The following NEUROG3 variants were observed in gnomAD, a reference collection of about 807,000 sequenced individuals.
The protein encoded by NEUROG3 is neurogenin-3.
For synonymous variants in NEUROG3, 161 were observed against 139.2 expected (o/e 1.16, Z -1.10); for missense variants, 307 against 297.9 (o/e 1.03, Z -0.22).
Position 69,572,573 on chromosome 10 carries a change from C to T in NEUROG3, c.471G>A (p.Gly157=). The T allele has an allele frequency of 6.2e-7, 1 of 1,613,262 alleles. No individual in the cohort carries two copies. The highest frequency in any genetic ancestry group is 8.5e-7 in the Non-Finnish European group (1 of 1,179,630). ...GGGAACCGCCTGGGCTGCCCAGCTC[C>T]CCGCAGTGCGGCGCCGGCGGCTCCA... ...YALEPPAPHC[G]ELGSPGGSPG... The change falls in exon 2 of 2, where the codon GGG becomes GGA. Residue 157 remains glycine, a synonymous_variant. Coordinates refer to ENST00000242462, the MANE Select transcript of NEUROG3 (RefSeq NM_020999.4).
In NEUROG3 at chr10:69,572,342, G is replaced by A; in HGVS notation, c.*57C>T. On this transcript the variant is annotated 3_prime_UTR_variant, in exon 2 of 2. Transcript: ENST00000242462. Reference sequence around the variant, plus strand: ...CCGTCGGCCACCCTCTACGGCTCCCGGCTCCCTCCCTCTCCCTTACCCTTA... The same window carrying A: ...CCGTCGGCCACCCTCTACGGCTCCCAGCTCCCTCCCTCTCCCTTACCCTTA... 6.5e-7 allele frequency: 1 copy of A among 1,546,632 alleles called. No individual in the cohort carries two copies. Among genetic ancestry groups the A allele is most frequent in the Non-Finnish European group, 8.7e-7 (1 of 1,151,416 alleles).
Position 69,573,192 on chromosome 10 carries a change from G to A in NEUROG3, c.-2+18C>T, listed in dbSNP as rs1839241853. The A allele has an allele frequency of 1.2e-6, 1 of 828,580 alleles. No individual in the cohort carries two copies. The highest frequency in any genetic ancestry group is 1.9e-6 in the Non-Finnish European group (1 of 532,734). 51.3% of individuals were successfully genotyped at this position (828,580 alleles called of 1,614,324 possible). A position where few individuals can be genotyped will look rare whatever the true frequency, so the allele number is the denominator to read the frequency against. ...CCCTCTTTCCCCTGCCCGTCCCTCGGAGGCCTCCAAATATTACCTTTCTAC... is the reference window on the plus strand; with the variant it reads ...CCCTCTTTCCCCTGCCCGTCCCTCGAAGGCCTCCAAATATTACCTTTCTAC... On this transcript the variant is annotated intron_variant, in intron 1 of 1. Transcript: ENST00000242462.
At position 69,572,640 on chromosome 10, in the gene NEUROG3, AG is replaced by A. The variant is rs748481754; in HGVS notation, c.403del (p.Leu135Ter). 6.2e-7 allele frequency: 1 copy of A among 1,613,984 alleles called. No individual in the cohort carries two copies. Among genetic ancestry groups the A allele is most frequent in the Non-Finnish European group, 8.5e-7 (1 of 1,179,958 alleles). ...LRFAHNYIWALTQTLRIADHS... is the reference protein window; with the variant it reads ...LRFAHNYIWAXTQTLRIADHS... ...GTCCGCTATGCGCAGCGTTTGAGTC[AG>A]CGCCCAGATGTAGTTGTGGGCGAAG... On this transcript the variant is annotated frameshift_variant, in exon 2 of 2. Transcript: ENST00000242462. LOFTEE classifies it low-confidence loss of function (END_TRUNC).
chr10:69,573,139 C>T, intron 1 of NEUROG3, 71 bp downstream of exon 1: 1 of 1,388,810 alleles, frequency 7.2e-7, no homozygotes. Flanking sequence ...AAACAGCCAT[C>T]CTCCCAGCCC....
In NEUROG3 at chr10:69,572,920, T is replaced by C. The variant is rs1339990052; in HGVS notation, c.124A>G (p.Thr42Ala). Residue 42 changes from threonine to alanine, a missense_variant, in exon 2 of 2, where the codon ACA (threonine) becomes GCA (alanine). By Grantham distance (58) the Thr-to-Ala change is moderately conservative (BLOSUM62 0). Coordinates refer to ENST00000242462, the MANE Select transcript of NEUROG3 (RefSeq NM_020999.4). Reference protein sequence around the residue: ...PTSAPPSPTRTRGNCAEAEEG... With the variant: ...PTSAPPSPTRARGNCAEAEEG... ...TCCGCCTCTGCGCAGTTCCCCCGTG[T>C]GCGAGTGGGGCTGGGCGGGGCGGAC... 2.5e-6 allele frequency: 4 copies of C among 1,612,362 alleles called. No homozygotes were observed. The South Asian group carries it at 3.3e-5, about 13-fold the overall frequency.
chr10:69,573,285 A>C lies in NEUROG3; in HGVS notation c.-77T>G. 1 of 580,456 alleles carries C rather than the reference A, an allele frequency of 1.7e-6. No individual in the cohort carries two copies. Among genetic ancestry groups the C allele is most frequent in the Non-Finnish European group, 3.0e-6 (1 of 331,684 alleles). The allele number at this position is 580,456 out of a possible 1,614,324, so 36.0% of individuals were successfully genotyped here. On this transcript the variant is annotated 5_prime_UTR_variant, in exon 1 of 2. Transcript: ENST00000242462. Reference sequence around the variant, plus strand: ...GGAGCTCAGCGGGCTTCTGGTCGCCAAGTTCAGCTGAGCTGCAGGCGCCCC... The same window carrying C: ...GGAGCTCAGCGGGCTTCTGGTCGCCCAGTTCAGCTGAGCTGCAGGCGCCCC...
In NEUROG3 at chr10:69,572,176, G is replaced by A; in HGVS notation, c.*223C>T. The stretch of plus-strand genomic sequence containing the variant: ...GCACTTTGCAATGCCCACTTCGCGC[G>A]GGCAGCAGCAAGGGTTGCGTGCGTT... On this transcript the variant is annotated 3_prime_UTR_variant, in exon 2 of 2. Transcript: ENST00000242462. The A allele has an allele frequency of 1.7e-6, 1 of 601,964 alleles. No individual in the cohort carries two copies. The allele number at this position is 601,964 out of a possible 1,614,324, so 37.3% of individuals were successfully genotyped here.
In NEUROG3 at chr10:69,572,656, T is replaced by C; in HGVS notation, c.388A>G (p.Asn130Asp). The C allele has an allele frequency of 1.2e-6, 2 of 1,614,084 alleles. No homozygotes were observed. The highest frequency in any genetic ancestry group is 1.7e-6 in the Non-Finnish European group (2 of 1,179,954). The part of the protein sequence containing the change: ...TKIETLRFAH[N>D]YIWALTQTLR... ...GTTTGAGTCAGCGCCCAGATGTAGT[T>C]GTGGGCGAAGCGCAGCGTCTCGATC... The change falls in exon 2 of 2, where the codon AAC becomes GAC. Residue 130 changes from asparagine (N) to aspartate (D), a missense_variant. Coordinates refer to ENST00000242462, the MANE Select transcript of NEUROG3 (RefSeq NM_020999.4).
Position 69,573,234 on chromosome 10 carries a change from A to C in NEUROG3, c.-26T>G. 1.5e-6 allele frequency: 1 copy of C among 660,894 alleles called. No individual in the cohort carries two copies. The highest frequency in any genetic ancestry group is 2.5e-6 in the Non-Finnish European group (1 of 392,876). The allele number at this position is 660,894 out of a possible 1,614,324, so 40.9% of individuals were successfully genotyped here. A position where few individuals can be genotyped will look rare whatever the true frequency, so the allele number is the denominator to read the frequency against. On this transcript the variant is annotated 5_prime_UTR_variant, in exon 1 of 2. Coordinates refer to ENST00000242462, the MANE Select transcript of NEUROG3 (RefSeq NM_020999.4). ...CCTTTCTACCGGCGCAAAAGAATAG[A>C]GAGCGATGAGCAGCGAGGGCCGTGG...
rs866205996 is a variant in NEUROG3, at chr10:69,572,491, C to A, written c.553G>T (p.Ala185Ser). Residue 185 changes from alanine to serine, a missense_variant, in exon 2 of 2, where the codon GCC becomes TCC. By Grantham distance (99) the Ala-to-Ser change is moderately conservative. Coordinates refer to ENST00000242462, the MANE Select transcript of NEUROG3 (RefSeq NM_020999.4). ...PVSQAGSLSP[A>S]ASLEERPGLL... ...CCGGGTCGCTCCTCCAGCGACGCGGCGGGACTCAGGCTGCCAGCCTGGGAG... is the reference window on the plus strand; with the variant it reads ...CCGGGTCGCTCCTCCAGCGACGCGGAGGGACTCAGGCTGCCAGCCTGGGAG... The A allele has an allele frequency of 6.3e-6, 10 of 1,589,512 alleles. No homozygotes were observed. In the African/African-American group the frequency reaches 1.2e-4, roughly 19 times the overall value.
rs769239025 is a variant in NEUROG3, at chr10:69,572,994, G to T, written c.50C>A (p.Thr17Lys). ...GAPTVQVTRE[T>K]ERSFPRASED... Reference sequence around the variant, plus strand: ...CGAGGCTCTGGGGAAGGACCGCTCCGTCTCACGGGTCACTTGGACAGTGGG... The same window carrying T: ...CGAGGCTCTGGGGAAGGACCGCTCCTTCTCACGGGTCACTTGGACAGTGGG... The change falls in exon 2 of 2, where the codon ACG becomes AAG. Residue 17 changes from threonine (T) to lysine (K), a missense_variant. By Grantham distance (78) the Thr-to-Lys change is moderately conservative. Coordinates refer to ENST00000242462, the MANE Select transcript of NEUROG3 (RefSeq NM_020999.4). 1 of 1,613,708 alleles carries T rather than the reference G, an allele frequency of 6.2e-7. No homozygotes were observed. Among genetic ancestry groups the T allele is most frequent in the Non-Finnish European group, 8.5e-7 (1 of 1,180,026 alleles).
rs773121786 is a variant in NEUROG3, at chr10:69,572,612, G to C, written c.432C>G (p.His144Gln). Residue 144 changes from histidine to glutamine, a missense_variant, in exon 2 of 2, where the codon CAC becomes CAG. Coordinates refer to ENST00000242462, the MANE Select transcript of NEUROG3 (RefSeq NM_020999.4). ...ALTQTLRIADHSLYALEPPAP... is the reference protein window; with the variant it reads ...ALTQTLRIADQSLYALEPPAP... ...CCGGCGGCTCCAGCGCGTACAAGCTGTGGTCCGCTATGCGCAGCGTTTGAG... is the reference window on the plus strand; with the variant it reads ...CCGGCGGCTCCAGCGCGTACAAGCTCTGGTCCGCTATGCGCAGCGTTTGAG... 8.1e-6 allele frequency: 13 copies of C among 1,613,948 alleles called. No homozygotes were observed. Among genetic ancestry groups the C allele is most frequent in the Non-Finnish European group, 1.0e-5 (12 of 1,179,950 alleles).
In NEUROG3 at chr10:69,572,484, G is replaced by C; in HGVS notation, c.560C>G (p.Ser187Trp). 6.3e-7 allele frequency: 1 copy of C among 1,588,542 alleles called. No homozygotes were observed. The highest frequency in any genetic ancestry group is 8.6e-7 in the Non-Finnish European group (1 of 1,168,208). The change falls in exon 2 of 2, where the codon TCG becomes TGG. Residue 187 changes from serine (S) to tryptophan (W), a missense_variant. Transcript: ENST00000242462. The stretch of plus-strand genomic sequence containing the variant: ...CAGCAGCCCGGGTCGCTCCTCCAGC[G>C]ACGCGGCGGGACTCAGGCTGCCAGC... ...SQAGSLSPAA[S>W]LEERPGLLGA... is the part of the protein sequence containing the mutation.
chr10:69,572,333 A>ACGGCTCC lies in NEUROG3; in HGVS notation c.*59_*65dup, dbSNP rs1233414068. On this transcript the variant is annotated 3_prime_UTR_variant, in exon 2 of 2. Transcript: ENST00000242462. The stretch of plus-strand genomic sequence containing the variant: ...GGGCCGCCGCCGTCGGCCACCCTCT[A>ACGGCTCC]CGGCTCCCGGCTCCCTCCCTCTCCC... 1 of 1,532,334 alleles carries ACGGCTCC rather than the reference A, an allele frequency of 6.5e-7. No individual in the cohort carries two copies. Among genetic ancestry groups the ACGGCTCC allele is most frequent in the East Asian group, 2.4e-5 (1 of 41,484 alleles). 94.9% of individuals were successfully genotyped at this position (1,532,334 alleles called of 1,614,324 possible).
rs753552388 is a variant in NEUROG3 at position 69,572,500 on chromosome 10, G to A, written c.544C>T (p.Leu182=). ...LYSPVSQAGS[L]SPAASLEERP... is the part of the protein sequence containing the mutation. ...TCCTCCAGCGACGCGGCGGGACTCAGGCTGCCAGCCTGGGAGACTGGGGAG... is the reference window on the plus strand; with the variant it reads ...TCCTCCAGCGACGCGGCGGGACTCAAGCTGCCAGCCTGGGAGACTGGGGAG... The change falls in exon 2 of 2, where the codon CTG becomes TTG. Residue 182 remains leucine, a synonymous_variant. Coordinates refer to ENST00000242462, the MANE Select transcript of NEUROG3 (RefSeq NM_020999.4). 1 of 1,592,544 alleles carries A rather than the reference G, an allele frequency of 6.3e-7. No homozygotes were observed. Among genetic ancestry groups the A allele is most frequent in the South Asian group, 1.1e-5 (1 of 88,998 alleles).
In NEUROG3 at chr10:69,572,899, C is replaced by T; in HGVS notation, c.145G>A (p.Ala49Thr). 6.2e-7 allele frequency: 1 copy of T among 1,611,618 alleles called. No homozygotes were observed. The highest frequency in any genetic ancestry group is 8.5e-7 in the Non-Finnish European group (1 of 1,179,540). The change falls in exon 2 of 2, where the codon GCG (alanine) becomes ACG (threonine). Residue 49 changes from alanine to threonine, a missense_variant. Transcript: ENST00000242462. ...GCCCCTCGGCAGCCTCCCTCTTCCG[C>T]CTCTGCGCAGTTCCCCCGTGTGCGA... Reference protein sequence around the residue: ...PTRTRGNCAEAEEGGCRGAPR... With the variant: ...PTRTRGNCAETEEGGCRGAPR...
chr10:69,573,142 C>T (rs904901818), intron 1 of NEUROG3, 68 bp downstream of exon 1: 2 of 1,376,936 alleles, frequency 1.5e-6, no homozygotes, highest in Non-Finnish European at 1.0e-6. Context: ...CAGCCATCCT[C>T]CCAGCCCCCG....
Position 69,572,837 on chromosome 10 carries a change from G to T in NEUROG3, c.207C>A (p.Ser69Arg). The change falls in exon 2 of 2, where the codon AGC becomes AGA. Residue 69 changes from serine (S) to arginine (R), a missense_variant. Transcript: ENST00000242462. ...TCAGTGCCAACTCGCTCTTAGGCCG[G>T]CTGCGTCCCCCGCGCCGTGCCCGGA... ...RKLRARRGGR[S>R]RPKSELALSK... 1.9e-6 allele frequency: 3 copies of T among 1,610,682 alleles called. No individual in the cohort carries two copies. The highest frequency in any genetic ancestry group is 2.5e-6 in the Non-Finnish European group (3 of 1,178,658).
Position 69,572,172 on chromosome 10 carries a change from G to T in NEUROG3, c.*227C>A. 1.7e-6 allele frequency: 1 copy of T among 599,670 alleles called. No homozygotes were observed. The highest frequency in any genetic ancestry group is 3.0e-6 in the Non-Finnish European group (1 of 338,452). The allele number at this position is 599,670 out of a possible 1,614,324, so 37.1% of individuals were successfully genotyped here. ...GAGCGCACTTTGCAATGCCCACTTCGCGCGGGCAGCAGCAAGGGTTGCGTG... is the reference window on the plus strand; with the variant it reads ...GAGCGCACTTTGCAATGCCCACTTCTCGCGGGCAGCAGCAAGGGTTGCGTG... On this transcript the variant is annotated 3_prime_UTR_variant, in exon 2 of 2. Transcript: ENST00000242462.
Sources: gnomAD v4.1 joint callset for allele counts on GRCh38, gnomAD v4.1.1 for gene constraint, MANE v1.5 for transcripts, NCBI Gene and HGNC (gene_info 2026-07-23, HGNC 2026-07-21) for gene names.